STK24: variants seen among roughly 807,000 people sequenced by gnomAD.
The protein encoded by STK24 is serine/threonine-protein kinase 24.
A neutral mutation model predicts 55.6 loss-of-function variants in STK24; 21 were observed. The observed-to-expected ratio is 0.38, with a 90% CI of 0.27 to 0.54. The LOEUF (loss-of-function observed/expected upper bound fraction) is 0.54. Among genes scored for constraint, STK24 ranks in the 20% least tolerant of loss-of-function variants. The pLI, the probability that STK24 is intolerant of heterozygous loss-of-function variation, is 0.79. For synonymous variants in STK24, 200 were observed against 215.2 expected, an observed-to-expected ratio of 0.93 and a Z score of 0.62; for missense variants, 383 against 538.4, an observed-to-expected ratio of 0.71 and a Z score of 2.86.
intron 2 of STK24, among the ~76,000 whole-genome samples, chr13:98,509,178 A>T (rs1225166997): frequency 6.6e-6 from 1 of 152,222 alleles, no homozygotes; most frequent in African/African-American, 2.4e-5. Flanking sequence ...AATTCAACAG[A>T]ATAATCCTAA....
intron 2 of STK24, among the ~76,000 whole-genome samples, chr13:98,487,636 T>A (rs1010140750): frequency 6.6e-6 from 1 of 152,188 alleles, no homozygotes; most frequent in African/African-American, 2.4e-5. Flanking sequence ...CTACACACAC[T>A]GTTGTTTACC....
At chr13:98,525,388 AAGGGCTCCGCCT>A (rs1375472902) in intron 1 of STK24, among the ~76,000 whole-genome samples, 1 of 152,198 alleles carries the variant, frequency 6.6e-6, no homozygotes, top group African/African-American at 2.4e-5. Flanking sequence ...CAGGACGCCC[AAGGGCTCCGCCT>A]TTTCTGAAGC....
chr13:98,501,426 T>C (rs886549861), intron 2 of STK24, among the ~76,000 whole-genome samples: 4 of 152,234 alleles, frequency 2.6e-5, no homozygotes, highest in African/African-American at 9.6e-5. Context: ...CCCCAGGAAC[T>C]GAGGAGGCTG....
intron 5 of STK24, among the ~76,000 whole-genome samples, chr13:98,467,927 G>A (rs1893982862): frequency 1.3e-5 from 2 of 152,210 alleles, no homozygotes; most frequent in South Asian, 4.1e-4. Context: ...TGGGGACTGG[G>A]GTAGAGAACA....
At chr13:98,509,119 T>A (rs1895791398) in intron 2 of STK24, among the ~76,000 whole-genome samples, 3 of 152,188 alleles carry the variant, frequency 2.0e-5, no homozygotes, top group South Asian at 2.1e-4. Flanking sequence ...AATTTGATAA[T>A]CACATGTAAT....
In STK24 at chr13:98,474,965, C is replaced by G. The variant is rs1316289620; in HGVS notation, c.453G>C (p.Leu151=). 5 of 1,612,122 alleles carry G rather than the reference C, an allele frequency of 3.1e-6. No individual in the cohort carries two copies. Among genetic ancestry groups the G allele is most frequent in the Non-Finnish European group, 4.2e-6 (5 of 1,179,074 alleles). ...IHRDIKAANV[L]LSEHGEVKLA... is the part of the protein sequence containing the mutation. ...GCTTCACCTCGCCATGCTCAGACAG[C>G]AGGACGTTGGCCGCTGCAAAAGAAA... Residue 151 remains leucine, a synonymous_variant, in exon 5 of 11, where the codon CTG becomes CTC. Coordinates refer to ENST00000539966, the MANE Select transcript of STK24 (RefSeq NM_001032296.4).
intron 2 of STK24, among the ~76,000 whole-genome samples, chr13:98,506,809 C>T (rs1220208331): frequency 6.6e-6 from 1 of 152,220 alleles, no homozygotes; most frequent in African/African-American, 2.4e-5. Flanking sequence ...CCAATAAATA[C>T]GGTGGCCGTG....
chr13:98,518,963 A>C (rs889259427), intron 2 of STK24, among the ~76,000 whole-genome samples: 1 of 150,680 alleles, frequency 6.6e-6, no homozygotes, highest in Non-Finnish European at 1.5e-5. Flanking sequence ...TGTTATAATA[A>C]CTTAATAAGA....
intron 1 of STK24, among the ~76,000 whole-genome samples, chr13:98,523,551 C>T (rs1896331978): frequency 6.6e-6 from 1 of 151,330 alleles, no homozygotes; most frequent in Admixed American, 6.6e-5. Context: ...AGAGCTCCCT[C>T]CAGAGGGACG....
chr13:98,497,270 T>C (rs1206716168), intron 2 of STK24, among the ~76,000 whole-genome samples: 3 of 152,184 alleles, frequency 2.0e-5, no homozygotes, highest in Non-Finnish European at 4.4e-5. Context: ...CAAGCCTCCC[T>C]GTGCCCCAGT....
At chr13:98,561,248 AGAG>A (rs1255937469) in intron 1 of STK24, among the ~76,000 whole-genome samples, 1 of 152,220 alleles carries the variant, frequency 6.6e-6, no homozygotes, top group Non-Finnish European at 1.5e-5. Context: ...GCCAGGGATG[AGAG>A]GAGGAGAGTC....
chr13:98,465,472 T>C (rs1455563581), intron 6 of STK24, among the ~76,000 whole-genome samples: 1 of 152,200 alleles, frequency 6.6e-6, no homozygotes, highest in South Asian at 2.1e-4. Context: ...GCAAGAAACA[T>C]CATCGTGTAA....
intron 2 of STK24, among the ~76,000 whole-genome samples, chr13:98,512,955 A>G (rs557430788): frequency 9.8e-5 from 15 of 152,354 alleles, no homozygotes; most frequent in African/African-American, 3.6e-4. Flanking sequence ...GTCACTGCCA[A>G]CACTTATGTA....
intron 7 of STK24, among the ~76,000 whole-genome samples, chr13:98,462,566 C>T (rs1300436239): frequency 6.6e-6 from 1 of 152,108 alleles, no homozygotes; most frequent in Non-Finnish European, 1.5e-5. Context: ...CTCTCACTCA[C>T]AGGCGGAGCC....
intron 9 of STK24, 92 bp from the exon 10 acceptor site, chr13:98,457,396 C>G: frequency 6.3e-7 from 1 of 1,583,202 alleles, no homozygotes; most frequent in Non-Finnish European, 8.6e-7. Context: ...GCGTGTGGAC[C>G]ACGACACTAC....
chr13:98,460,656 G>A (rs1014621658), intron 8 of STK24, among the ~76,000 whole-genome samples: 10 of 152,112 alleles, frequency 6.6e-5, no homozygotes, highest in Non-Finnish European at 2.9e-5. Context: ...CAAAACCCAC[G>A]CACCGGGGAA....
intron 1 of STK24, among the ~76,000 whole-genome samples, chr13:98,537,073 G>C (rs1440304077): frequency 1.3e-5 from 2 of 152,214 alleles, no homozygotes; most frequent in African/African-American, 4.8e-5. Context: ...CACTCACCCA[G>C]GGAGAGAGCC....
intron 2 of STK24, among the ~76,000 whole-genome samples, chr13:98,508,623 G>C (rs910439994): frequency 6.6e-6 from 1 of 152,100 alleles, no homozygotes; most frequent in African/African-American, 2.4e-5. Flanking sequence ...GAGGAACAGG[G>C]GGTATTTTAA....
rs544688870 is a variant in STK24 at position 98,527,528 on chromosome 13, T to G, written c.43-8055A>C. On this transcript the variant is annotated intron_variant, in intron 1 of 10. Transcript: ENST00000539966. ...GAGTCAAGAGCATCCGAGGGAGCCC[T>G]GACACAGAGGCTGTGCCCACACCTG... Among the ~76,000 whole-genome samples, 17 of 152,332 alleles carry G rather than the reference T, an allele frequency of 1.1e-4. 1 individual carries two copies. Among genetic ancestry groups the G allele is most frequent in the African/African-American group, 3.8e-4 (16 of 41,584 alleles).
Sources: gnomAD v4.1 joint callset for allele counts (sites outside exome capture counted in the v4.1 genomes callset) on GRCh38, gnomAD v4.1.1 for gene constraint, MANE v1.5 for transcripts, NCBI Gene and HGNC (gene_info 2026-07-23, HGNC 2026-07-21) for gene names.